OR6N1: variants seen among roughly 807,000 people sequenced by gnomAD.
The protein encoded by OR6N1 is olfactory receptor family 6 subfamily N member 1.
For missense variants in OR6N1, 394 were observed against 371.7 expected (o/e 1.06, Z -0.49); for synonymous variants, 170 against 150.7 (o/e 1.13, Z -0.94).
At chr1:158,785,707 G>A in the OR6N1 span, among the ~76,000 whole-genome samples, 1 of 152,120 alleles carries the variant, frequency 6.6e-6, no homozygotes, top group Admixed American at 6.5e-5. Context: ...CATCAGTGGG[G>A]AGATACCAAG....
the OR6N1 span, among the ~76,000 whole-genome samples, chr1:158,823,068 C>A: frequency 1.3e-5 from 2 of 152,136 alleles, no homozygotes; most frequent in Admixed American, 1.3e-4. Context: ...CACACTTGGT[C>A]ATGGTGGACT....
chr1:158,794,643 G>C, the OR6N1 span, among the ~76,000 whole-genome samples: 1 of 152,188 alleles, frequency 6.6e-6, no homozygotes, highest in Non-Finnish European at 1.5e-5. Flanking sequence ...AATAGCCTTA[G>C]TGTGTTGGCT....
upstream of OR6N1, chr1:158,776,758 C>A (rs373599103): frequency 1.9e-6 from 3 of 1,613,816 alleles, no homozygotes; most frequent in South Asian, 3.3e-5. Context: ...TTCCTTGTTA[C>A]GAAGACTGTA....
chr1:158,765,868 T>C lies in OR6N1; in HGVS notation c.815A>G (p.Gln272Arg). The part of the protein sequence containing the change: ...LKKSYSLDYD[Q>R]ALAVVYSVLT... ...CACTGAGTAGACCACTGCCAGGGCC[T>C]GGTCATAGTCCAGTGAGTAGCTCTT... Residue 272 changes from glutamine (Q) to arginine (R), a missense_variant, in exon 2 of 2, where the codon CAG (glutamine) becomes CGG (arginine). Coordinates refer to ENST00000641846, the MANE Select transcript of OR6N1 (RefSeq NM_001005185.2). 6.2e-7 allele frequency: 1 copy of C among 1,614,112 alleles called. No homozygotes were observed. The highest frequency in any genetic ancestry group is 8.5e-7 in the Non-Finnish European group (1 of 1,179,978).
In OR6N1 at chr1:158,766,122, C is replaced by G; in HGVS notation, c.561G>C (p.Leu187Phe). The G allele has an allele frequency of 3.1e-6, 5 of 1,614,088 alleles. No individual in the cohort carries two copies. Among genetic ancestry groups the G allele is most frequent in the Non-Finnish European group, 4.2e-6 (5 of 1,180,008 alleles). ...CATTTATAGACGTATCAGTGCAAGC[C>G]AAACTCAGCACAGGAGGGAAGTCAC... ...VFCDFPPVLS[L>F]ACTDTSINVL... The change falls in exon 2 of 2, where the codon TTG becomes TTC. Residue 187 changes from leucine (L) to phenylalanine (F), a missense_variant. Leu to Phe is a conservative substitution (Grantham distance 22). Coordinates refer to ENST00000641846, the MANE Select transcript of OR6N1 (RefSeq NM_001005185.2).
At chr1:158,793,195 T>G in the OR6N1 span, among the ~76,000 whole-genome samples, 1 of 151,998 alleles carries the variant, frequency 6.6e-6, no homozygotes, top group Admixed American at 6.5e-5. Context: ...TTTTTATTTT[T>G]TCATGTTGAT....
At position 158,765,672 on chromosome 1, in the gene OR6N1, G is replaced by C. The variant is rs529378435; in HGVS notation, c.*72C>G. The C allele has an allele frequency of 8.0e-7, 1 of 1,254,468 alleles. No individual in the cohort carries two copies. Among genetic ancestry groups the C allele is most frequent in the Non-Finnish European group, 1.1e-6 (1 of 889,800 alleles). The allele number at this position is 1,254,468 out of a possible 1,614,324, so 77.7% of individuals were successfully genotyped here. On this transcript the variant is annotated 3_prime_UTR_variant, in exon 2 of 2. Coordinates refer to ENST00000641846, the MANE Select transcript of OR6N1 (RefSeq NM_001005185.2). ...AAAAGCACTGAATTTTTAGTTTCTCGTCTCTGGCCACTGTTGATCCCTGGG... is the reference window on the plus strand; with the variant it reads ...AAAAGCACTGAATTTTTAGTTTCTCCTCTCTGGCCACTGTTGATCCCTGGG...
At chr1:158,790,568 C>T in the OR6N1 span, among the ~76,000 whole-genome samples, 4 of 151,864 alleles carry the variant, frequency 2.6e-5, no homozygotes, top group African/African-American at 4.8e-5. Context: ...CCACGCCTGG[C>T]TAATTTTTTG....
the OR6N1 span, among the ~76,000 whole-genome samples, chr1:158,828,635 A>T: frequency 6.6e-6 from 1 of 152,158 alleles, no homozygotes; most frequent in Non-Finnish European, 1.5e-5. Flanking sequence ...TGGCTTTTCC[A>T]GTTGCATGGT....
the OR6N1 span, among the ~76,000 whole-genome samples, chr1:158,822,141 G>A: frequency 2.0e-5 from 3 of 152,136 alleles, no homozygotes; most frequent in Non-Finnish European, 4.4e-5. Context: ...GTAATTTGAT[G>A]CTTCCAGCTT....
the OR6N1 span, among the ~76,000 whole-genome samples, chr1:158,781,708 A>G: frequency 6.6e-6 from 1 of 152,318 alleles, no homozygotes; most frequent in Middle Eastern, 3.4e-3. Context: ...ATCCTCTCTG[A>G]TAAGAGCTGC....
the OR6N1 span, among the ~76,000 whole-genome samples, chr1:158,786,074 C>T: frequency 6.6e-6 from 1 of 152,014 alleles, no homozygotes; most frequent in Non-Finnish European, 1.5e-5. Flanking sequence ...AAAGACACAC[C>T]ACAGAGTGGA....
At chr1:158,810,847 T>C in the OR6N1 span, among the ~76,000 whole-genome samples, 2 of 152,210 alleles carry the variant, frequency 1.3e-5, no homozygotes, top group East Asian at 3.9e-4. Flanking sequence ...TTTTTTTTAC[T>C]AATGTGTAAT....
chr1:158,787,662 C>CACACACACACACAG, the OR6N1 span, among the ~76,000 whole-genome samples: 1 of 151,638 alleles, frequency 6.6e-6, no homozygotes, highest in African/African-American at 2.4e-5. Flanking sequence ...CACACACACA[C>CACACACACACACAG]ACACACACAT....
At chr1:158,818,200 C>G in the OR6N1 span, among the ~76,000 whole-genome samples, 1 of 152,196 alleles carries the variant, frequency 6.6e-6, no homozygotes, top group African/African-American at 2.4e-5. Context: ...GAACACCAGA[C>G]TCATGATTTC....
upstream of OR6N1, chr1:158,776,505 A>G (rs1657596824): frequency 8.2e-6 from 4 of 489,548 alleles, no homozygotes; most frequent in Non-Finnish European, 1.4e-5. Flanking sequence ...AAATGCTGAC[A>G]TAAGTGATCG....
chr1:158,826,048 T>C, the OR6N1 span, among the ~76,000 whole-genome samples: 6 of 151,804 alleles, frequency 4.0e-5, no homozygotes, highest in Admixed American at 1.3e-4. Flanking sequence ...CCACCACTTG[T>C]AAGTGGGAGC....
rs377061978 is a variant in OR6N1 at position 158,769,706 on chromosome 1, G to A, written c.-19+2315C>T. Among the ~76,000 whole-genome samples, 58 of 152,154 alleles carry A rather than the reference G, an allele frequency of 3.8e-4. No homozygotes were observed. In the South Asian group the frequency reaches 0.011, roughly 30 times the overall value. On this transcript the variant is annotated intron_variant, in intron 1 of 1. Transcript: ENST00000641846. ...TTCTTGGCATTTTTCTAAACCTAGG[G>A]AGCATGTCCATCCCATATACAAAAG...
the OR6N1 span, among the ~76,000 whole-genome samples, chr1:158,822,714 C>T: frequency 2.6e-5 from 4 of 152,106 alleles, no homozygotes; most frequent in South Asian, 2.1e-4. Context: ...TTCTCTTGCC[C>T]GATTGTTCTG....
Sources: allele counts gnomAD v4.1 joint callset (sites outside exome capture counted in the v4.1 genomes callset), GRCh38; gene constraint gnomAD v4.1.1; transcripts MANE v1.5; gene names NCBI Gene and HGNC (gene_info 2026-07-23, HGNC 2026-07-21).